The following NUDT3 variants were observed in gnomAD, a reference collection of about 807,000 sequenced individuals.
NUDT3 encodes the protein diphosphoinositol polyphosphate phosphohydrolase 1.
A neutral mutation model predicts 23.6 loss-of-function variants in NUDT3; 9 were observed. The ratio of observed to expected loss-of-function variants is 0.38; its 90% CI spans 0.23 to 0.66. NUDT3 has a LOEUF of 0.66. Ranked by LOEUF, NUDT3 falls within the 30% of genes least tolerant of loss-of-function variation. The pLI, the probability that NUDT3 is intolerant of heterozygous loss-of-function variation, is 0.52. For synonymous variants in NUDT3, 86 were observed against 82.6 expected, an observed-to-expected ratio of 1.04 and a Z score of -0.22; for missense variants, 172 against 218.5, an observed-to-expected ratio of 0.79 and a Z score of 1.34.
intron 1 of NUDT3, among the ~76,000 whole-genome samples, chr6:34,344,850 A>C (rs1353555618): frequency 6.6e-6 from 1 of 151,518 alleles, no homozygotes; most frequent in Non-Finnish European, 1.5e-5. Flanking sequence ...ATGAGGTTTC[A>C]CCGTGTTAGC....
chr6:34,311,538 T>C (rs184524386), intron 2 of NUDT3, among the ~76,000 whole-genome samples: 5 of 152,140 alleles, frequency 3.3e-5, no homozygotes, highest in Admixed American at 1.3e-4. Flanking sequence ...CAATCCCAAT[T>C]AAAATCCCAG....
chr6:34,385,496 T>C lies in NUDT3; in HGVS notation c.99+6768A>G, dbSNP rs148717089. 1.1e-4 allele frequency among the ~76,000 whole-genome samples: 17 copies of C among 152,292 alleles called. No individual in the cohort carries two copies. In the East Asian group the frequency reaches 2.7e-3, roughly 24 times the overall value. The stretch of plus-strand genomic sequence containing the variant: ...TCTTGTTTTGTTTTGTTTGTTTGAA[T>C]TGTTAAGTTGTCTTTCTTTCATATG... On this transcript the variant is annotated intron_variant, in intron 1 of 4. Transcript: ENST00000607016.
chr6:34,329,990 T>C (rs894975435), intron 2 of NUDT3, among the ~76,000 whole-genome samples: 4 of 152,234 alleles, frequency 2.6e-5, no homozygotes, highest in Admixed American at 1.3e-4. Flanking sequence ...CATCCTTTTT[T>C]ATGGCTGCAT....
intron 2 of NUDT3, among the ~76,000 whole-genome samples, chr6:34,302,725 C>T (rs1180877766): frequency 6.6e-6 from 1 of 152,176 alleles, no homozygotes; most frequent in Non-Finnish European, 1.5e-5. Context: ...GAGCGAGAGA[C>T]TCCGTCTCAA....
intron 1 of NUDT3, among the ~76,000 whole-genome samples, chr6:34,349,071 A>C (rs764026623): frequency 6.6e-6 from 1 of 151,816 alleles, no homozygotes; most frequent in Non-Finnish European, 1.5e-5. Flanking sequence ...AATATTTTTT[A>C]TTTTTACTTT....
intron 2 of NUDT3, among the ~76,000 whole-genome samples, chr6:34,334,935 A>AT (rs1261349163): frequency 6.6e-6 from 1 of 151,682 alleles, no homozygotes; most frequent in African/African-American, 2.4e-5. Flanking sequence ...AAAAAAAAAA[A>AT]GGAAAAGGAA....
intron 2 of NUDT3, among the ~76,000 whole-genome samples, chr6:34,327,528 C>CAAAA (rs60757572): frequency 1.1e-5 from 1 of 94,120 alleles, no homozygotes; most frequent in African/African-American, 3.9e-5. Flanking sequence ...GACTCCGCCT[C>CAAAA]AAAAAAAAAA....
intron 1 of NUDT3, among the ~76,000 whole-genome samples, chr6:34,371,668 G>A (rs1764832132): frequency 1.3e-5 from 2 of 152,144 alleles, no homozygotes; most frequent in Admixed American, 1.3e-4. Context: ...TCTTATTAAT[G>A]AGCACTGGGG....
intron 2 of NUDT3, among the ~76,000 whole-genome samples, chr6:34,332,843 T>C (rs553283887): frequency 2.0e-5 from 3 of 152,142 alleles, no homozygotes; most frequent in Non-Finnish European, 2.9e-5. Flanking sequence ...TTGGGATGGC[T>C]GAGGTGAGAA....
chr6:34,288,973 AG>A (rs1318738153), intron 4 of NUDT3, 42 bp from the exon 5 acceptor site: 1 of 1,535,334 alleles, frequency 6.5e-7, no homozygotes, highest in Non-Finnish European at 8.7e-7. Context: ...AAGAGTAATA[AG>A]GTTTCTGAGC....
intron 1 of NUDT3, among the ~76,000 whole-genome samples, chr6:34,367,269 G>A (rs1043222442): frequency 1.3e-5 from 2 of 151,936 alleles, no homozygotes; most frequent in African/African-American, 2.4e-5. Flanking sequence ...ATCACCTGAG[G>A]TCAGGAGTTT....
At chr6:34,362,175 A>T (rs1764660932) in intron 1 of NUDT3, among the ~76,000 whole-genome samples, 1 of 152,206 alleles carries the variant, frequency 6.6e-6, no homozygotes, top group Non-Finnish European at 1.5e-5. Context: ...TTTTAAAAGT[A>T]CTAAACATAC....
At chr6:34,337,160 C>G (rs1764220011) in intron 2 of NUDT3, among the ~76,000 whole-genome samples, 1 of 152,096 alleles carries the variant, frequency 6.6e-6, no homozygotes, top group South Asian at 2.1e-4. Flanking sequence ...TTCTAAAGTT[C>G]AAAGCAGTTC....
chr6:34,327,258 C>G (rs114518822), intron 2 of NUDT3, among the ~76,000 whole-genome samples: 12,598 of 151,986 alleles, frequency 0.083, 698 homozygotes, highest in Non-Finnish European at 0.12. Flanking sequence ...ACAGGCCGGG[C>G]GCGGTGGCTC....
chr6:34,367,198 T>C (rs984556606), intron 1 of NUDT3, among the ~76,000 whole-genome samples: 15 of 152,064 alleles, frequency 9.9e-5, no homozygotes, highest in Admixed American at 4.6e-4. Flanking sequence ...AACATTTTAA[T>C]TGGCCGGGCG....
chr6:34,299,504 A>AGCCTT (rs1299924823), intron 2 of NUDT3, among the ~76,000 whole-genome samples: 6 of 152,014 alleles, frequency 3.9e-5, no homozygotes, highest in Admixed American at 3.9e-4. Context: ...AGCTCACTGC[A>AGCCTT]GCCTTGAACT....
At chr6:34,348,139 A>G (rs773955714) in intron 1 of NUDT3, among the ~76,000 whole-genome samples, 2 of 152,002 alleles carry the variant, frequency 1.3e-5, no homozygotes, top group Non-Finnish European at 2.9e-5. Context: ...CAAAAAAATT[A>G]GCTGGGCACG....
chr6:34,358,108 T>G (rs1764591664), intron 1 of NUDT3, among the ~76,000 whole-genome samples: 1 of 152,152 alleles, frequency 6.6e-6, no homozygotes, highest in African/African-American at 2.4e-5. Context: ...TCCAGCTTAG[T>G]AGTATTCTAT....
chr6:34,346,738 C>T (rs1468466806), intron 1 of NUDT3, among the ~76,000 whole-genome samples: 1 of 138,810 alleles, frequency 7.2e-6, no homozygotes, highest in Non-Finnish European at 1.6e-5. Flanking sequence ...AAATTTACTA[C>T]AAAAAAAAAA....
Sources: gnomAD v4.1 joint callset for allele counts (sites outside exome capture counted in the v4.1 genomes callset) on GRCh38, gnomAD v4.1.1 for gene constraint, MANE v1.5 for transcripts, NCBI Gene and HGNC (gene_info 2026-07-23, HGNC 2026-07-21) for gene names.